Variants in PFKFB3 observed in about 807,000 individuals in gnomAD.
PFKFB3 encodes the protein 6-phosphofructo-2-kinase/fructose-2,6-bisphosphatase 3.
In PFKFB3, 33 loss-of-function variants were observed where a neutral mutation model predicts 68.0. That is an observed-to-expected ratio of 0.49 (90% CI 0.37 to 0.65). The LOEUF (loss-of-function observed/expected upper bound fraction) is 0.65. Ranked by LOEUF, PFKFB3 falls within the 30% of genes least tolerant of loss-of-function variation. PFKFB3 has a pLI of 0.00. For missense variants in PFKFB3, 586 were observed against 712.2 expected, an observed-to-expected ratio of 0.82 and a Z score of 2.02; for synonymous variants, 315 against 288.2, an observed-to-expected ratio of 1.09 and a Z score of -0.94.
At chr10:6,169,971 A>G (rs1842257399) in intron 1 of PFKFB3, among the ~76,000 whole-genome samples, 1 of 152,142 alleles carries the variant, frequency 6.6e-6, no homozygotes. Context: ...GAAAGGCTTT[A>G]CTTTTCCTCT....
intron 4 of PFKFB3, 68 bp from the exon 5 acceptor site, chr10:6,216,638 C>G: frequency 1.8e-6 from 2 of 1,084,066 alleles, no homozygotes; most frequent in Non-Finnish European, 2.8e-6. Context: ...GGCATCTTTG[C>G]TGTTCTGGTA....
chr10:6,298,650 G>A, the PFKFB3 span, among the ~76,000 whole-genome samples: 18 of 152,292 alleles, frequency 1.2e-4, no homozygotes, highest in South Asian at 1.4e-3. Flanking sequence ...ACAGGTGTGA[G>A]CCACTGCACT....
the PFKFB3 span, among the ~76,000 whole-genome samples, chr10:6,316,012 A>G: frequency 6.6e-6 from 1 of 152,222 alleles, no homozygotes; most frequent in Non-Finnish European, 1.5e-5. Context: ...TATATATAAG[A>G]GACTTTTCCT....
At chr10:6,210,582 T>TCTCCTGACCTCGTG (rs1445183165) in intron 1 of PFKFB3, among the ~76,000 whole-genome samples, 36 of 52,980 alleles carry the variant, frequency 6.8e-4, no homozygotes, top group Non-Finnish European at 7.9e-4. Context: ...ATAGTCTTGA[T>TCTCCTGACCTCGTG]AGTGTTTTTA....
chr10:6,288,921 C>T, the PFKFB3 span, among the ~76,000 whole-genome samples: 4,048 of 148,958 alleles, frequency 0.027, 193 homozygotes, highest in African/African-American at 0.099. Flanking sequence ...TGGTATCTCA[C>T]TGTGGTTTTG....
At chr10:6,315,098 C>G in the PFKFB3 span, among the ~76,000 whole-genome samples, 2 of 152,160 alleles carry the variant, frequency 1.3e-5, no homozygotes, top group South Asian at 2.1e-4. Flanking sequence ...AGCCCACCTG[C>G]CCACCCCTAG....
At chr10:6,253,167 C>T (rs1397545563) in intron 14 of PFKFB3, among the ~76,000 whole-genome samples, 1 of 152,212 alleles carries the variant, frequency 6.6e-6, no homozygotes, top group Admixed American at 6.5e-5. Context: ...ATCCACACGC[C>T]TCGGCCTCCT....
rs986112863 is a variant in PFKFB3, at chr10:6,229,058, G to A, written c.1515+2693G>A. On this transcript the variant is annotated intron_variant, in intron 14 of 14. Transcript: ENST00000379775. This position sits in a 1 kb window ranked among gnomAD's most constrained non-coding sequence, Gnocchi z 4.3. Reference sequence around the variant, plus strand: ...CCCTTGCCCCCCCAAAAACACACCCGCCCCTTTATTTCCTGTTTGCTCCTT... The same window carrying A: ...CCCTTGCCCCCCCAAAAACACACCCACCCCTTTATTTCCTGTTTGCTCCTT... The A allele has an allele frequency of 7.3e-5, 37 of 507,022 alleles. No homozygotes were observed. Among genetic ancestry groups the A allele is most frequent in the East Asian group, 2.3e-4 (4 of 17,380 alleles). The allele number at this position is 507,022 out of a possible 1,614,324, so 31.4% of individuals were successfully genotyped here.
downstream of PFKFB3, among the ~76,000 whole-genome samples, chr10:6,238,003 T>G (rs1215398477): frequency 1.3e-5 from 2 of 151,972 alleles, no homozygotes; most frequent in Non-Finnish European, 2.9e-5. Flanking sequence ...GTGAAGGCGC[T>G]GGTTTCAACC....
At chr10:6,324,740 AT>A in the PFKFB3 span, among the ~76,000 whole-genome samples, 2 of 151,254 alleles carry the variant, frequency 1.3e-5, no homozygotes, top group African/African-American at 4.9e-5. Context: ...GTTAATGTGT[AT>A]TTAATGCCTC....
At chr10:6,272,448 C>T in the PFKFB3 span, among the ~76,000 whole-genome samples, 1 of 152,146 alleles carries the variant, frequency 6.6e-6, no homozygotes, top group African/African-American at 2.4e-5. Context: ...AATCCTAGCA[C>T]TTTGGGAGGC....
At chr10:6,213,524 T>G in intron 1 of PFKFB3, 99 bp from the exon 2 acceptor site, 1 of 1,406,082 alleles carries the variant, frequency 7.1e-7, no homozygotes, top group Non-Finnish European at 9.7e-7. Context: ...CTCAAAAACA[T>G]TTTTGGTGAA....
chr10:6,244,937 T>C (rs989937661), intron 14 of PFKFB3, among the ~76,000 whole-genome samples: 2 of 152,092 alleles, frequency 1.3e-5, no homozygotes, highest in African/African-American at 4.8e-5. Flanking sequence ...TAAAATGAGA[T>C]TTTTAGTCTT....
the PFKFB3 span, among the ~76,000 whole-genome samples, chr10:6,295,210 T>A: frequency 6.6e-6 from 1 of 152,050 alleles, no homozygotes; most frequent in African/African-American, 2.4e-5. Context: ...GGTCTTAGGC[T>A]TGTAGATTTT....
the PFKFB3 span, among the ~76,000 whole-genome samples, chr10:6,265,436 G>T: frequency 2.0e-5 from 3 of 152,106 alleles, no homozygotes; most frequent in African/African-American, 7.2e-5. Context: ...CAATTTTGAA[G>T]AATACAAGCC....
At chr10:6,149,115 G>T (rs986917803) in intron 1 of PFKFB3, among the ~76,000 whole-genome samples, 2 of 151,288 alleles carry the variant, frequency 1.3e-5, no homozygotes, top group East Asian at 3.9e-4. Context: ...GGTGTAGACG[G>T]TGACTCATCT....
At chr10:6,246,296 T>C (rs1200184211) in intron 14 of PFKFB3, among the ~76,000 whole-genome samples, 1 of 151,688 alleles carries the variant, frequency 6.6e-6, no homozygotes, top group Non-Finnish European at 1.5e-5. Context: ...TATTTTTTTC[T>C]TGATGTACAT....
At position 6,228,249 on chromosome 10, in the gene PFKFB3, T is replaced by G; in HGVS notation, c.1515+1884T>G. On this transcript the variant is annotated intron_variant, in intron 14 of 14. Transcript: ENST00000379775. This position sits in a 1 kb window ranked among gnomAD's most constrained non-coding sequence, Gnocchi z 4.5. Reference sequence around the variant, plus strand: ...TATCTCTCCGATCATCGCTGCTGCTTGCACTGCTTTCTTCCTGCTTGCTCA... The same window carrying G: ...TATCTCTCCGATCATCGCTGCTGCTGGCACTGCTTTCTTCCTGCTTGCTCA... 1 of 1,612,180 alleles carries G rather than the reference T, an allele frequency of 6.2e-7. No individual in the cohort carries two copies. Among genetic ancestry groups the G allele is most frequent in the Non-Finnish European group, 8.5e-7 (1 of 1,179,364 alleles).
chr10:6,202,892 GC>G, upstream of PFKFB3: 1 of 1,118,284 alleles, frequency 8.9e-7, no homozygotes, highest in Non-Finnish European at 1.1e-6. Context: ...TCTGCGGCCA[GC>G]CCGGACTCTT....
Sources: gnomAD v4.1 joint callset for allele counts (sites outside exome capture counted in the v4.1 genomes callset) on GRCh38, gnomAD v4.1.1 for gene constraint, Gnocchi (gnomAD v3.1) non-coding constraint, MANE v1.5 for transcripts, NCBI Gene and HGNC (gene_info 2026-07-23, HGNC 2026-07-21) for gene names.